The following SH3RF2 variants were observed in gnomAD, a reference collection of about 807,000 sequenced individuals.
SH3RF2 encodes E3 ubiquitin-protein ligase SH3RF2.
A neutral mutation model predicts 59.0 loss-of-function variants in SH3RF2; 43 were observed. The observed-to-expected ratio is 0.73, with a 90% CI of 0.57 to 0.94. The LOEUF is 0.94. Ranked by LOEUF, SH3RF2 falls within the 40% of genes least tolerant of loss-of-function variation. SH3RF2 has a pLI of 0.00. For synonymous variants in SH3RF2, 391 were observed against 391.5 expected (o/e 1.00, Z 0.01); for missense variants, 930 against 940.1 (o/e 0.99, Z 0.14).
intron 5 of SH3RF2, among the ~76,000 whole-genome samples, chr5:146,038,420 A>T (rs1762016176): frequency 6.6e-6 from 1 of 152,238 alleles, no homozygotes. Flanking sequence ...TATTGTCTAT[A>T]TAGAGAACTC....
chr5:146,040,868 T>C (rs1239936876), intron 5 of SH3RF2, among the ~76,000 whole-genome samples: 2 of 152,158 alleles, frequency 1.3e-5, no homozygotes, highest in Non-Finnish European at 2.9e-5. Context: ...CTCCCTCTGC[T>C]CTGCCCTGCC....
chr5:146,028,581 T>A (rs541913620), intron 5 of SH3RF2, among the ~76,000 whole-genome samples: 129 of 142,554 alleles, frequency 9.0e-4, no homozygotes, highest in African/African-American at 3.1e-3. Context: ...CCCTACCCAC[T>A]GATGCCTGTA....
intron 5 of SH3RF2, among the ~76,000 whole-genome samples, chr5:146,034,013 T>G (rs1761838460): frequency 6.6e-6 from 1 of 152,202 alleles, no homozygotes; most frequent in African/African-American, 2.4e-5. Flanking sequence ...CAACAAACAT[T>G]TACTGACTGC....
chr5:146,034,275 G>A (rs1349115049), intron 5 of SH3RF2, among the ~76,000 whole-genome samples: 5 of 152,192 alleles, frequency 3.3e-5, no homozygotes, highest in Non-Finnish European at 7.4e-5. Context: ...TGGGTCCTGA[G>A]CTTGTGTGGC....
intron 2 of SH3RF2, among the ~76,000 whole-genome samples, chr5:145,967,987 A>T (rs911517243): frequency 6.6e-6 from 1 of 152,038 alleles, no homozygotes; most frequent in Non-Finnish European, 1.5e-5. Context: ...TCTAGAAAAG[A>T]TCTCTTAACT....
chr5:146,076,822 G>C (rs1763349560), intron 9 of SH3RF2, among the ~76,000 whole-genome samples: 1 of 152,078 alleles, frequency 6.6e-6, no homozygotes, highest in South Asian at 2.1e-4. Flanking sequence ...TTTGTAAGTT[G>C]GGAGTTTAGG....
intron 2 of SH3RF2, among the ~76,000 whole-genome samples, chr5:145,955,516 C>G (rs1758361520): frequency 6.6e-6 from 1 of 152,116 alleles, no homozygotes; most frequent in South Asian, 2.1e-4. Context: ...CCACAATATA[C>G]TCAGGTAACA....
Position 146,059,888 on chromosome 5 carries a change from C to G in SH3RF2, c.1578C>G (p.Leu526=), listed in dbSNP as rs1359575064. ...MRKNGSLQRP[L]QSGIPTLVVG... ...CAGATGGATCCCTGCAGAGACCCCT[C>G]CAGTCCGGGATCCCCACTCTCGTGG... Residue 526 remains leucine (L), a synonymous_variant, in exon 9 of 10, where the codon CTC becomes CTG. Transcript: ENST00000359120. 2 of 1,495,946 alleles carry G rather than the reference C, an allele frequency of 1.3e-6. No individual in the cohort carries two copies. The allele number at this position is 1,495,946 out of a possible 1,614,324, so 92.7% of individuals were successfully genotyped here.
intron 5 of SH3RF2, among the ~76,000 whole-genome samples, chr5:146,023,029 T>C (rs890376849): frequency 6.6e-6 from 1 of 152,132 alleles, no homozygotes; most frequent in Admixed American, 6.5e-5. Context: ...ACACATTGCA[T>C]TGAGTTAATA....
At position 145,954,311 on chromosome 5, in the gene SH3RF2, A is replaced by C. The variant is rs192659355; in HGVS notation, c.378+16005A>C. 4.6e-5 allele frequency among the ~76,000 whole-genome samples: 7 copies of C among 152,280 alleles called. No individual in the cohort carries two copies. In the East Asian group the frequency reaches 1.3e-3, roughly 29 times the overall value. ...ATTTGCATTTCTCTAATGATCAGCGATATTGAGCTTTTTTTATATGCTTGT... is the reference window on the plus strand; with the variant it reads ...ATTTGCATTTCTCTAATGATCAGCGCTATTGAGCTTTTTTTATATGCTTGT... On this transcript the variant is annotated intron_variant, in intron 2 of 9. Coordinates refer to ENST00000359120, the MANE Select transcript of SH3RF2 (RefSeq NM_152550.4).
intron 3 of SH3RF2, among the ~76,000 whole-genome samples, chr5:146,002,086 A>G (rs982965856): frequency 1.3e-5 from 2 of 152,254 alleles, no homozygotes; most frequent in African/African-American, 4.8e-5. Flanking sequence ...TAGGGAAAAC[A>G]AAGATTAACA....
chr5:146,044,750 C>G (rs1445593583), intron 5 of SH3RF2, among the ~76,000 whole-genome samples: 4 of 152,108 alleles, frequency 2.6e-5, no homozygotes, highest in Non-Finnish European at 4.4e-5. Context: ...CTATCTCCCC[C>G]TCACCCCTCT....
intron 2 of SH3RF2, among the ~76,000 whole-genome samples, chr5:145,985,497 C>T (rs79397006): frequency 3.3e-5 from 5 of 152,092 alleles, no homozygotes; most frequent in African/African-American, 1.2e-4. Flanking sequence ...CTTGTGGCAC[C>T]TTTACCTCAC....
At chr5:146,074,433 G>GT in intron 9 of SH3RF2, among the ~76,000 whole-genome samples, 1 of 152,080 alleles carries the variant, frequency 6.6e-6, no homozygotes, top group African/African-American at 2.4e-5. Flanking sequence ...TCTCCACCGC[G>GT]TTCCCCATCT....
intron 2 of SH3RF2, among the ~76,000 whole-genome samples, chr5:145,983,827 A>G (rs1178463518): frequency 6.6e-6 from 1 of 152,212 alleles, no homozygotes; most frequent in Admixed American, 6.5e-5. Context: ...ACCCACTGGA[A>G]AAACTGGGAT....
intron 2 of SH3RF2, among the ~76,000 whole-genome samples, chr5:145,945,227 A>C (rs2149941709): frequency 6.6e-6 from 1 of 152,188 alleles, no homozygotes; most frequent in East Asian, 1.9e-4. Flanking sequence ...ATGTGAAAAA[A>C]GAAGTGTCTT....
intron 9 of SH3RF2, among the ~76,000 whole-genome samples, chr5:146,076,732 G>T (rs1763348275): frequency 6.6e-6 from 1 of 152,162 alleles, no homozygotes. Flanking sequence ...TCAGTTTTGA[G>T]CCCAGATGTG....
At chr5:146,003,906 G>A (rs2149986156) in intron 3 of SH3RF2, 152 bp from the exon 4 acceptor site, 1 of 489,406 alleles carries the variant, frequency 2.0e-6, no homozygotes, top group East Asian at 3.7e-5. Flanking sequence ...TATGGAGAAA[G>A]TTCATTTTAG....
intron 2 of SH3RF2, among the ~76,000 whole-genome samples, chr5:145,957,341 TG>T: frequency 6.6e-6 from 1 of 152,314 alleles, no homozygotes; most frequent in African/African-American, 2.4e-5. Flanking sequence ...AGACCAATTC[TG>T]GTCTTCTGGG....
Sources: allele counts gnomAD v4.1 joint callset (sites outside exome capture counted in the v4.1 genomes callset), GRCh38; gene constraint gnomAD v4.1.1; transcripts MANE v1.5; gene names NCBI Gene and HGNC (gene_info 2026-07-23, HGNC 2026-07-21).